KCNIP1: variants seen among roughly 807,000 people sequenced by gnomAD.
The protein encoded by KCNIP1 is potassium voltage-gated channel interacting protein 1.
KCNIP1 carries 18 observed loss-of-function variants against 33.0 expected under a neutral mutation model. The ratio of observed to expected loss-of-function variants is 0.55; its 90% CI spans 0.38 to 0.81. The LOEUF is 0.81. KCNIP1 is among the 30% of genes least tolerant of loss of function. The probability of loss-of-function intolerance (pLI) is 0.00; values close to 1 mark genes in which losing one functional copy is unlikely to be tolerated. For synonymous variants in KCNIP1, 93 were observed against 98.3 expected, an observed-to-expected ratio of 0.95 and a Z score of 0.32; for missense variants, 238 against 271.6, an observed-to-expected ratio of 0.88 and a Z score of 0.87.
chr5:170,374,633 A>G (rs753651129), intron 1 of KCNIP1: 36 of 152,186 alleles, frequency 2.4e-4, no homozygotes, highest in Non-Finnish European at 4.4e-5. Context: ...TCACTAGTCC[A>G]TGAGAGGACA....
Position 170,703,802 on chromosome 5 carries a change from C to A in KCNIP1, c.62-14956C>A, listed in dbSNP as rs1158280486. 2.2e-5 allele frequency among the ~76,000 whole-genome samples: 3 copies of A among 137,990 alleles called. 1 individual carries two copies. The highest frequency in any genetic ancestry group is 8.0e-5 in the African/African-American group (3 of 37,686). 90.5% of individuals were successfully genotyped at this position (137,990 alleles called of 152,430 possible). On this transcript the variant is annotated intron_variant, in intron 1 of 7. Coordinates refer to ENST00000328939, the MANE Select transcript of KCNIP1 (RefSeq NM_014592.4). ...TTCCAATTAGTTCCTTTTAGTGCTA[C>A]ATACACACTTTTAGCAAATAATGAG...
At chr5:170,415,244 T>C (rs1755296880) in intron 1 of KCNIP1, among the ~76,000 whole-genome samples, 1 of 152,156 alleles carries the variant, frequency 6.6e-6, no homozygotes, top group Non-Finnish European at 1.5e-5. Context: ...CTTCCTGCTT[T>C]TGTGTTTGTG....
intron 1 of KCNIP1, among the ~76,000 whole-genome samples, chr5:170,417,741 C>T (rs1755368297): frequency 6.6e-6 from 1 of 152,196 alleles, no homozygotes; most frequent in South Asian, 2.1e-4. Flanking sequence ...GATCATGAGT[C>T]AAATCACCTG....
At chr5:170,621,893 G>A (rs749798503) in intron 1 of KCNIP1, among the ~76,000 whole-genome samples, 6 of 152,138 alleles carry the variant, frequency 3.9e-5, no homozygotes, top group Non-Finnish European at 8.8e-5. Context: ...GAGATGGAAC[G>A]ACGAAGACCA....
At chr5:170,610,055 T>C (rs931460074) in intron 1 of KCNIP1, among the ~76,000 whole-genome samples, 45 of 152,306 alleles carry the variant, frequency 3.0e-4, no homozygotes, top group Non-Finnish European at 4.9e-4. Flanking sequence ...AAACAAGATC[T>C]GTTAGGTAAA....
At chr5:170,534,471 AAGG>A (rs34048947) in intron 1 of KCNIP1, among the ~76,000 whole-genome samples, 6,979 of 149,300 alleles carry the variant, frequency 0.047, 217 homozygotes, top group Non-Finnish European at 0.068. Context: ...GGAGAGGGAG[AAGG>A]AGGAGGAGGA....
chr5:170,544,863 T>C (rs556805703), intron 1 of KCNIP1, among the ~76,000 whole-genome samples: 6 of 152,210 alleles, frequency 3.9e-5, no homozygotes, highest in Non-Finnish European at 7.4e-5. Flanking sequence ...TGTGCTGTTG[T>C]TAAACATTTT....
chr5:170,683,732 T>C (rs572932026), intron 1 of KCNIP1, among the ~76,000 whole-genome samples: 1 of 152,010 alleles, frequency 6.6e-6, no homozygotes, highest in African/African-American at 2.4e-5. Flanking sequence ...AGGTTTTTTT[T>C]TTTTTCTTCG....
intron 1 of KCNIP1, among the ~76,000 whole-genome samples, chr5:170,591,819 C>T (rs1758272939): frequency 6.6e-6 from 1 of 152,094 alleles, no homozygotes; most frequent in South Asian, 2.1e-4. Context: ...AAGTATATAC[C>T]ACACTTTGTT....
chr5:170,374,639 G>C (rs1763938019), intron 1 of KCNIP1: 1 of 152,090 alleles, frequency 6.6e-6, no homozygotes, highest in Non-Finnish European at 1.5e-5. Flanking sequence ...GTCCATGAGA[G>C]GACAATAATA....
At chr5:170,420,364 A>C (rs1482052166) in intron 1 of KCNIP1, 2 of 152,160 alleles carry the variant, frequency 1.3e-5, no homozygotes, top group Non-Finnish European at 2.9e-5. Context: ...GATTTCTCGT[A>C]ATAACATTTT....
rs140798118 is a variant in KCNIP1, at chr5:170,465,652, A to AAG, written c.88+111703_88+111704dup. ...ACACAAACACAAAGAGAGAGACAGA[A>AAG]AGAGAGAGAGAGAGAGTGAGAGAGA... On this transcript the variant is annotated intron_variant, in intron 1 of 7. Transcript: ENST00000377360. Among the ~76,000 whole-genome samples, 98 of 151,518 alleles carry AAG rather than the reference A, an allele frequency of 6.5e-4. 2 individuals carry two copies. The East Asian group carries it at 0.014, about 22-fold the overall frequency.
intron 1 of KCNIP1, among the ~76,000 whole-genome samples, chr5:170,453,947 C>G (rs1290907348): frequency 6.6e-6 from 1 of 152,196 alleles, no homozygotes; most frequent in East Asian, 1.9e-4. Flanking sequence ...AAAATACAGA[C>G]CAGCCAACAC....
chr5:170,720,508 G>T, intron 3 of KCNIP1, 118 bp downstream of exon 3: 1 of 785,706 alleles, frequency 1.3e-6, no homozygotes, highest in Non-Finnish European at 2.2e-6. Flanking sequence ...GACAAACTCA[G>T]GGCAGGACAC....
At chr5:170,660,880 C>T (rs1033012223) in intron 1 of KCNIP1, among the ~76,000 whole-genome samples, 19 of 152,200 alleles carry the variant, frequency 1.2e-4, no homozygotes, top group Non-Finnish European at 2.2e-4. Flanking sequence ...AGAAAGCTCA[C>T]GTGGCAAAAG....
intron 1 of KCNIP1, among the ~76,000 whole-genome samples, chr5:170,675,401 C>T (rs531617940): frequency 1.3e-5 from 2 of 152,084 alleles, no homozygotes; most frequent in African/African-American, 4.8e-5. Flanking sequence ...AGGCGGATCA[C>T]GAGGTCAGGA....
intron 1 of KCNIP1, chr5:170,376,092 A>G (rs1283709522): frequency 6.6e-6 from 1 of 150,862 alleles, no homozygotes; most frequent in Non-Finnish European, 1.5e-5. Context: ...GCACCCATAC[A>G]TGCCAGATAA....
At chr5:170,515,579 A>G (rs1198535265) in intron 1 of KCNIP1, among the ~76,000 whole-genome samples, 3 of 152,242 alleles carry the variant, frequency 2.0e-5, no homozygotes, top group Non-Finnish European at 4.4e-5. Flanking sequence ...ACTTGGTTTT[A>G]TGTAAGCCTT....
At position 170,697,575 on chromosome 5, in the gene KCNIP1, G is replaced by T. The variant is rs148546239; in HGVS notation, c.62-21183G>T. Among the ~76,000 whole-genome samples, 172 of 152,262 alleles carry T rather than the reference G, an allele frequency of 1.1e-3. 1 individual carries two copies. The highest frequency in any genetic ancestry group is 3.4e-3 in the Middle Eastern group (1 of 292). On this transcript the variant is annotated intron_variant, in intron 1 of 7. Coordinates refer to ENST00000328939, the MANE Select transcript of KCNIP1 (RefSeq NM_014592.4). ...AGTCCCCCAGAGGTTAATGCCCAGTGCCCCAGCTAGGAAACGTCCAAGGAG... is the reference window on the plus strand; with the variant it reads ...AGTCCCCCAGAGGTTAATGCCCAGTTCCCCAGCTAGGAAACGTCCAAGGAG...
Sources: gnomAD v4.1 joint callset for allele counts (sites outside exome capture counted in the v4.1 genomes callset) on GRCh38, gnomAD v4.1.1 for gene constraint, MANE v1.5 for transcripts, NCBI Gene and HGNC (gene_info 2026-07-23, HGNC 2026-07-21) for gene names.